Variants in GSPT1 observed in about 807,000 individuals in gnomAD.
GSPT1 encodes the protein eukaryotic peptide chain release factor GTP-binding subunit ERF3A.
In GSPT1, 20 loss-of-function variants were observed where a neutral mutation model predicts 72.5. That is an observed-to-expected ratio of 0.28 (90% confidence interval 0.19 to 0.40). The LOEUF is 0.40. Among genes scored for constraint, GSPT1 ranks in the 10% least tolerant of loss-of-function variants. The pLI, the probability that GSPT1 is intolerant of heterozygous loss-of-function variation, is 1.00. For synonymous variants in GSPT1, 334 were observed against 293.5 expected (o/e 1.14, Z -1.41); for missense variants, 580 against 811.9 (o/e 0.71, Z 3.47).
chr16:11,889,133 C>T (rs1490469958), intron 6 of GSPT1, among the ~76,000 whole-genome samples: 1 of 151,730 alleles, frequency 6.6e-6, no homozygotes, highest in African/African-American at 2.4e-5. Flanking sequence ...ACGGTGAAAC[C>T]CTGTCTCTAC....
At chr16:11,879,308 T>C (rs571427261) in intron 11 of GSPT1, among the ~76,000 whole-genome samples, 1,804 of 151,072 alleles carry the variant, frequency 0.012, 35 homozygotes, top group African/African-American at 0.042. Flanking sequence ...GGCAGAGAAC[T>C]GCTTGAACCC....
intron 5 of GSPT1, among the ~76,000 whole-genome samples, chr16:11,894,533 G>A (rs1438207812): frequency 2.0e-5 from 3 of 152,094 alleles, no homozygotes; most frequent in Non-Finnish European, 2.9e-5. Flanking sequence ...TATATGCAAA[G>A]GAGACCAAGT....
At chr16:11,889,749 G>A (rs1220163982) in intron 6 of GSPT1, among the ~76,000 whole-genome samples, 3 of 151,068 alleles carry the variant, frequency 2.0e-5, no homozygotes, top group Non-Finnish European at 4.4e-5. Flanking sequence ...CAGGTGATCC[G>A]CCTGCCTCGG....
At chr16:11,873,358 C>T (rs909028699) in intron 14 of GSPT1, among the ~76,000 whole-genome samples, 187 bp from the exon 15 acceptor site, 3 of 152,090 alleles carry the variant, frequency 2.0e-5, no homozygotes, top group Non-Finnish European at 4.4e-5. Flanking sequence ...TTTGGGGGGG[C>T]TGGTAAAGAG....
chr16:11,876,512 C>CG (rs1404810485), intron 12 of GSPT1, among the ~76,000 whole-genome samples: 1 of 151,948 alleles, frequency 6.6e-6, no homozygotes, highest in South Asian at 2.1e-4. Flanking sequence ...GCAGGGGGGC[C>CG]GGGGGGATCA....
intron 1 of GSPT1, among the ~76,000 whole-genome samples, chr16:11,911,622 G>A (rs559186323): frequency 4.1e-5 from 6 of 147,940 alleles, no homozygotes; most frequent in East Asian, 2.0e-4. Flanking sequence ...GTGTGATCTC[G>A]GCTCACTGCA....
In GSPT1 at chr16:11,897,879, A is replaced by T; in HGVS notation, c.397T>A (p.Ser133Thr). ...SQEEQSLCEG[S>T]NSAVSMELSE... ...AGTTCCATGCTAACAGCTGAATTTG[A>T]ACCTAGACAAGAGATTGAAATATAA... Residue 133 changes from serine to threonine, a missense_variant and splice_region_variant, in exon 3 of 15, where the codon TCA becomes ACA. Ser to Thr is a moderately conservative substitution (Grantham distance 58). Around this residue, in one of 6 missense-constraint regions of GSPT1, gnomAD observed 327 missense variants for 298.8 expected, o/e 1.09. Coordinates refer to ENST00000434724, the MANE Select transcript of GSPT1 (RefSeq NM_002094.4). The T allele has an allele frequency of 5.8e-6, 9 of 1,541,840 alleles. No individual in the cohort carries two copies. Among genetic ancestry groups the T allele is most frequent in the Non-Finnish European group, 7.9e-6 (9 of 1,132,126 alleles).
rs1435891318 is a variant in GSPT1 at position 11,915,599 on chromosome 16, G to T, written c.122C>A (p.Pro41Gln). 6 of 1,486,764 alleles carry T rather than the reference G, an allele frequency of 4.0e-6. No individual in the cohort carries two copies. The highest frequency in any genetic ancestry group is 4.8e-5 in the Admixed American group (2 of 42,050). The allele number at this position is 1,486,764 out of a possible 1,614,324, so 92.1% of individuals were successfully genotyped here. A position where few individuals can be genotyped will look rare whatever the true frequency, so the allele number is the denominator to read the frequency against. The change falls in exon 1 of 15, where the codon CCG becomes CAG. Residue 41 changes from proline to glutamine, a missense_variant. Transcript: ENST00000434724. ...GGAGCCGCCGCCGCCGCAAGGGCCC[G>T]GCCCGGGGGCTTCCATGTCCGCCTG... The part of the protein sequence containing the change: ...WDQADMEAPG[P>Q]GPCGGGGSLA...
intron 1 of GSPT1, among the ~76,000 whole-genome samples, chr16:11,906,308 C>G (rs1382417566): frequency 6.6e-6 from 1 of 152,034 alleles, no homozygotes. Flanking sequence ...TGCCAACTTT[C>G]TAAGAAGGGG....
chr16:11,892,438 G>A (rs1191488620), intron 5 of GSPT1, among the ~76,000 whole-genome samples: 1 of 149,014 alleles, frequency 6.7e-6, no homozygotes, highest in Admixed American at 6.7e-5. Flanking sequence ...GAGTCCATGA[G>A]GTTGAGGCTG....
chr16:11,896,812 T>C (rs1419545883), intron 3 of GSPT1, 27 bp from the exon 4 acceptor site: 2 of 1,405,240 alleles, frequency 1.4e-6, no homozygotes, highest in Non-Finnish European at 2.0e-6. Context: ...TAACTTAGTA[T>C]TCTGAAAAAG....
chr16:11,915,117 C>T (rs929938091), intron 1 of GSPT1: 1 of 1,130,912 alleles, frequency 8.8e-7, no homozygotes, highest in Admixed American at 3.6e-5. Context: ...AGGGCAGGGG[C>T]GCGGAGGGGC....
rs780639471 is a variant in GSPT1, at chr16:11,915,521, C to A, written c.200G>T (p.Arg67Leu). The A allele has an allele frequency of 3.3e-6, 5 of 1,528,286 alleles. No homozygotes were observed. Among genetic ancestry groups the A allele is most frequent in the Non-Finnish European group, 4.4e-6 (5 of 1,139,338 alleles). The allele number at this position is 1,528,286 out of a possible 1,614,324, so 94.7% of individuals were successfully genotyped here. A position where few individuals can be genotyped will look rare whatever the true frequency, so the allele number is the denominator to read the frequency against. ...GGGCTTGGCGTTGACGTTGAGTTGC[C>A]GGCTGAAGGCCGCGCTGAGGTTCTC... Reference protein sequence around the residue: ...QRENLSAAFSRQLNVNAKPFV... With the variant: ...QRENLSAAFSLQLNVNAKPFV... Residue 67 changes from arginine (R) to leucine (L), a missense_variant, in exon 1 of 15, where the codon CGG becomes CTG. Transcript: ENST00000434724.
At chr16:11,881,501 T>C (rs570972717) in intron 11 of GSPT1, 4 of 152,276 alleles carry the variant, frequency 2.6e-5, no homozygotes, top group South Asian at 4.1e-4. Flanking sequence ...TTCAGTGCCA[T>C]CTAGTGTATT....
chr16:11,889,424 G>A lies in GSPT1; in HGVS notation c.776+1638C>T, dbSNP rs1427174361. 3.2e-4 allele frequency among the ~76,000 whole-genome samples: 42 copies of A among 129,744 alleles called. No homozygotes were observed. In the Admixed American group the frequency reaches 4.1e-3, roughly 13 times the overall value. 85.1% of individuals were successfully genotyped at this position (129,744 alleles called of 152,430 possible). ...ACCATCTCGGCTCACTGCAACCTCT[G>A]CTTCCCAGGTTCCAGCTATTCTCCT... On this transcript the variant is annotated intron_variant, in intron 6 of 14. Transcript: ENST00000434724.
intron 6 of GSPT1, among the ~76,000 whole-genome samples, chr16:11,889,332 T>TTA (rs1453353089): frequency 9.8e-5 from 12 of 122,242 alleles, no homozygotes; most frequent in Non-Finnish European, 2.1e-4. Context: ...TCTTCTTCTT[T>TTA]TTTTTTTTTT....
At chr16:11,904,048 G>T in intron 1 of GSPT1, 1 of 226,012 alleles carries the variant, frequency 4.4e-6, no homozygotes, top group South Asian at 7.8e-5. Flanking sequence ...GCAACCCCCA[G>T]GGACACCATG....
chr16:11,878,738 A>C (rs112137147), intron 11 of GSPT1, among the ~76,000 whole-genome samples: 1,795 of 152,046 alleles, frequency 0.012, 35 homozygotes, highest in African/African-American at 0.041. Context: ...CTGAGAGGAG[A>C]TACACGGGAA....
rs1465325680 is a variant in GSPT1 at position 11,870,450 on chromosome 16, C to T, written c.*2669G>A. The T allele has an allele frequency of 2.0e-5, 3 of 152,132 alleles. No individual in the cohort carries two copies. Among genetic ancestry groups the T allele is most frequent in the South Asian group, 2.1e-4 (1 of 4,822 alleles). The allele number at this position is 152,132 out of a possible 1,614,324, so 9.4% of individuals were successfully genotyped here. On this transcript the variant is annotated 3_prime_UTR_variant, in exon 15 of 15. Transcript: ENST00000434724. ...GAAAAAAATCATTCTAGTAGAGCAA[C>T]GTTAGAGAACAAATGCTTAGGTAAT...
Sources: allele counts gnomAD v4.1 joint callset (sites outside exome capture counted in the v4.1 genomes callset), GRCh38; gene constraint gnomAD v4.1.1; regional missense constraint gnomAD v4.1.1; transcripts MANE v1.5; gene names NCBI Gene and HGNC (gene_info 2026-07-23, HGNC 2026-07-21).